The following ABCC9 variants were observed in gnomAD, a reference collection of about 807,000 sequenced individuals.
ABCC9 encodes the protein ATP-binding cassette sub-family C member 9.
A neutral mutation model predicts 188.3 loss-of-function variants in ABCC9; 95 were observed. The ratio of observed to expected loss-of-function variants is 0.50; its 90% CI spans 0.43 to 0.60. The LOEUF is 0.60. Among genes scored for constraint, ABCC9 ranks in the 20% least tolerant of loss-of-function variants. The pLI, the probability that ABCC9 is intolerant of heterozygous loss-of-function variation, is 0.00. For missense variants in ABCC9, 1,102 were observed against 1,876.3 expected (o/e 0.59, Z 7.62); for synonymous variants, 659 against 652.7 (o/e 1.01, Z -0.15).
intron 4 of ABCC9, among the ~76,000 whole-genome samples, chr12:21,930,837 A>G (rs1949254070): frequency 6.6e-6 from 1 of 152,186 alleles, no homozygotes; most frequent in African/African-American, 2.4e-5. Context: ...AATGCAGATT[A>G]CTATGAAATT....
At chr12:21,916,756 A>T (rs565202407) in intron 6 of ABCC9, among the ~76,000 whole-genome samples, 181 bp downstream of exon 6, 5 of 152,340 alleles carry the variant, frequency 3.3e-5, no homozygotes, top group African/African-American at 1.2e-4. Flanking sequence ...TTCTAGGGTC[A>T]CACTGAGATT....
chr12:21,924,650 T>C (rs1261470588), intron 5 of ABCC9: 1 of 152,070 alleles, frequency 6.6e-6, no homozygotes, highest in African/African-American at 2.4e-5. Context: ...ACATTATTAA[T>C]ATCTAAATTC....
At chr12:21,930,777 A>T (rs1405571665) in intron 4 of ABCC9, among the ~76,000 whole-genome samples, 4 of 152,178 alleles carry the variant, frequency 2.6e-5, no homozygotes, top group Non-Finnish European at 5.9e-5. Flanking sequence ...ATCATTCAGC[A>T]CTAAAATGAA....
At chr12:21,866,556 G>A (rs568625534) in intron 18 of ABCC9, among the ~76,000 whole-genome samples, 172 of 152,252 alleles carry the variant, frequency 1.1e-3, no homozygotes, top group Admixed American at 2.7e-3. Flanking sequence ...GAAAATAGGG[G>A]CCTGCCTTCT....
intron 7 of ABCC9, among the ~76,000 whole-genome samples, chr12:21,913,978 T>C (rs1948432487): frequency 6.6e-6 from 1 of 152,160 alleles, no homozygotes; most frequent in South Asian, 2.1e-4. Context: ...AAACTATGCT[T>C]AGGCTAGACT....
chr12:21,807,770 C>A (rs1565682675), intron 37 of ABCC9, among the ~76,000 whole-genome samples: 1 of 152,182 alleles, frequency 6.6e-6, no homozygotes. Flanking sequence ...TAATACAATT[C>A]TCTAAGGAGA....
chr12:21,933,018 G>A lies in ABCC9; in HGVS notation c.284+764C>T, dbSNP rs910743151. ...CAATGATAGACTGGATAAAGAAAAT[G>A]TGGTACATATACACTATGGAATACT... is the stretch of plus-strand genomic sequence containing the variant. On this transcript the variant is annotated intron_variant, in intron 4 of 39. Transcript: ENST00000261200. Among the ~76,000 whole-genome samples, 4 of 150,806 alleles carry A rather than the reference G, an allele frequency of 2.7e-5. No homozygotes were observed. The East Asian group carries it at 7.7e-4, about 29-fold the overall frequency.
rs537348475 is a variant in ABCC9, at chr12:21,867,778, G to A, written c.2199-3301C>T. Among the ~76,000 whole-genome samples, 11 of 151,298 alleles carry A rather than the reference G, an allele frequency of 7.3e-5. No individual in the cohort carries two copies. In the South Asian group the frequency reaches 2.3e-3, roughly 32 times the overall value. Reference sequence around the variant, plus strand: ...GGAGATAGAATGTCAGGACAGAAGGGGCCTGAAGAGGAGGATGGTTGATGG... The same window carrying A: ...GGAGATAGAATGTCAGGACAGAAGGAGCCTGAAGAGGAGGATGGTTGATGG... On this transcript the variant is annotated intron_variant, in intron 18 of 39. Coordinates refer to ENST00000261200, the MANE Select transcript of ABCC9 (RefSeq NM_020297.4).
In ABCC9 at chr12:21,883,258, G is replaced by T. The variant is rs1341762170; in HGVS notation, c.1912-385C>A. Among the ~76,000 whole-genome samples, 6 of 152,206 alleles carry T rather than the reference G, an allele frequency of 3.9e-5. No homozygotes were observed. In the East Asian group the frequency reaches 7.7e-4, roughly 20 times the overall value. ...GGTCAAACTAGAATCCATCTGTTAG[G>T]CTATGATATGGTTTGGCTGTTGCGG... On this transcript the variant is annotated intron_variant, in intron 15 of 39. Transcript: ENST00000261200.
At chr12:21,827,589 G>C (rs1943464783) in intron 31 of ABCC9, among the ~76,000 whole-genome samples, 1 of 142,774 alleles carries the variant, frequency 7.0e-6, no homozygotes, top group South Asian at 2.3e-4. Context: ...TCAAAACAAG[G>C]AATTAAAGCA....
At chr12:21,813,532 T>G (rs1473890285) in intron 35 of ABCC9, among the ~76,000 whole-genome samples, 1 of 152,184 alleles carries the variant, frequency 6.6e-6, no homozygotes, top group Non-Finnish European at 1.5e-5. Context: ...ACATGGGACC[T>G]GAAATCATGT....
At chr12:21,904,560 A>C (rs942028006) in intron 12 of ABCC9, among the ~76,000 whole-genome samples, 7 of 152,204 alleles carry the variant, frequency 4.6e-5, no homozygotes, top group Non-Finnish European at 7.3e-5. Context: ...AGAATCTACA[A>C]AGAACTCAAA....
chr12:21,918,477 A>G (rs1427963084), intron 5 of ABCC9, among the ~76,000 whole-genome samples: 2 of 152,192 alleles, frequency 1.3e-5, no homozygotes, highest in Non-Finnish European at 2.9e-5. Flanking sequence ...AATAACAGAA[A>G]TCATATAGAG....
At chr12:21,934,622 G>A (rs529720316) in intron 3 of ABCC9, among the ~76,000 whole-genome samples, 1 of 152,062 alleles carries the variant, frequency 6.6e-6, no homozygotes, top group South Asian at 2.1e-4. Flanking sequence ...ACTACGTAGA[G>A]TAATACTAGG....
At chr12:21,930,866 G>A (rs756452640) in intron 4 of ABCC9, among the ~76,000 whole-genome samples, 1 of 152,068 alleles carries the variant, frequency 6.6e-6, no homozygotes, top group Non-Finnish European at 1.5e-5. Context: ...TATATACTGT[G>A]GGGTTTTGAT....
At chr12:21,809,093 A>G (rs1040123013) in intron 37 of ABCC9, among the ~76,000 whole-genome samples, 1 of 152,202 alleles carries the variant, frequency 6.6e-6, no homozygotes, top group African/African-American at 2.4e-5. Context: ...TAGAATATCA[A>G]TAACTATTAT....
intron 13 of ABCC9, 34 bp downstream of exon 13, chr12:21,895,241 G>A (rs371030604): frequency 4.3e-5 from 68 of 1,587,016 alleles, no homozygotes; most frequent in Non-Finnish European, 5.6e-5. Context: ...CACTGACTTG[G>A]TTTCATTTCT....
chr12:21,853,238 C>CAGGAGGAAGAGGTTCCTGG (rs1236249888), intron 22 of ABCC9, among the ~76,000 whole-genome samples: 2 of 151,992 alleles, frequency 1.3e-5, no homozygotes, highest in Non-Finnish European at 2.9e-5. Flanking sequence ...CGCCTGAACC[C>CAGGAGGAAGAGGTTCCTGG]AGGAGGAAGA....
chr12:21,936,663 T>C lies in ABCC9; in HGVS notation c.12A>G (p.Ser4=). 6.2e-7 allele frequency: 1 copy of C among 1,610,178 alleles called. No individual in the cohort carries two copies. Among genetic ancestry groups the C allele is most frequent in the Non-Finnish European group, 8.5e-7 (1 of 1,176,690 alleles). ...ATGAAGAAATGTTGTTACCACAAAA[T>C]GAAAGGCTCATTTCTTCTTATATGG... The part of the protein sequence containing the change: MSL[S]FCGNNISSYN... Residue 4 remains serine (S), a synonymous_variant, in exon 3 of 40, where the codon TCA becomes TCG. Transcript: ENST00000261200.
Sources: allele counts gnomAD v4.1 joint callset (sites outside exome capture counted in the v4.1 genomes callset), GRCh38; gene constraint gnomAD v4.1.1; transcripts MANE v1.5; gene names NCBI Gene and HGNC (gene_info 2026-07-23, HGNC 2026-07-21).